The following SIK2 variants were observed in gnomAD, a reference collection of about 807,000 sequenced individuals.
SIK2 encodes the protein salt inducible kinase 2.
In SIK2, 29 loss-of-function variants were observed where a neutral mutation model predicts 103.2. The observed-to-expected ratio is 0.28, with a 90% CI of 0.21 to 0.38. The LOEUF (loss-of-function observed/expected upper bound fraction) is 0.38. SIK2 is among the 10% of genes least tolerant of loss of function. The probability of loss-of-function intolerance (pLI) is 1.00; values close to 1 mark genes in which losing one functional copy is unlikely to be tolerated. For missense variants in SIK2, 879 were observed against 1,171.0 expected, an observed-to-expected ratio of 0.75 and a Z score of 3.64; for synonymous variants, 412 against 446.1, an observed-to-expected ratio of 0.92 and a Z score of 0.96.
rs1312727269 is a variant in SIK2 at position 111,612,915 on chromosome 11, G to GATAGATATATAT, written c.136-3325_136-3324insGATATATATATA. Among the ~76,000 whole-genome samples, 20 of 50,000 alleles carry GATAGATATATAT rather than the reference G, an allele frequency of 4.0e-4. 1 individual carries two copies. Among genetic ancestry groups the GATAGATATATAT allele is most frequent in the African/African-American group, 9.5e-4 (15 of 15,826 alleles). 32.8% of individuals were successfully genotyped at this position (50,000 alleles called of 152,430 possible). On this transcript the variant is annotated intron_variant, in intron 1 of 14. Transcript: ENST00000304987. The stretch of plus-strand genomic sequence containing the variant: ...CCTTAGAAACAAGGGATAGCAATGG[G>GATAGATATATAT]ATATATATATATATATATATATATA...
At chr11:111,671,912 T>G (rs1035913940) in intron 3 of SIK2, 1 of 437,488 alleles carries the variant, frequency 2.3e-6, no homozygotes. Context: ...CAGCTTCAGC[T>G]TCTCTGACCC....
chr11:111,672,378 G>C (rs1942641244), intron 3 of SIK2: 1 of 517,010 alleles, frequency 1.9e-6, no homozygotes, highest in Admixed American at 3.4e-5. Context: ...ACACCTTGTA[G>C]GACTTCTGGG....
chr11:111,704,014 G>C (rs891898840), intron 7 of SIK2, among the ~76,000 whole-genome samples: 2 of 152,186 alleles, frequency 1.3e-5, no homozygotes, highest in Non-Finnish European at 2.9e-5. Flanking sequence ...CTTTACGATA[G>C]TAAAAAAGCA....
intron 3 of SIK2, among the ~76,000 whole-genome samples, chr11:111,656,392 T>G (rs567591830): frequency 6.6e-6 from 1 of 152,236 alleles, no homozygotes; most frequent in East Asian, 1.9e-4. Flanking sequence ...TTCAACATTC[T>G]AAATGTATTT....
intron 1 of SIK2, among the ~76,000 whole-genome samples, chr11:111,605,733 C>A (rs1941641058): frequency 6.6e-6 from 1 of 152,144 alleles, no homozygotes; most frequent in Non-Finnish European, 1.5e-5. Flanking sequence ...TGATGTATTT[C>A]TACAGAACTT....
At chr11:111,712,575 T>G (rs180718144) in intron 9 of SIK2, among the ~76,000 whole-genome samples, 200 bp downstream of exon 9, 8 of 152,328 alleles carry the variant, frequency 5.3e-5, no homozygotes, top group Admixed American at 4.6e-4. Context: ...AGTATGACCA[T>G]TACGTAATTT....
intron 1 of SIK2, among the ~76,000 whole-genome samples, chr11:111,615,100 C>T (rs1220566017): frequency 1.3e-5 from 2 of 151,000 alleles, no homozygotes; most frequent in African/African-American, 4.9e-5. Context: ...GATCGTGCCA[C>T]TGCACTGTAG....
intron 2 of SIK2, among the ~76,000 whole-genome samples, chr11:111,617,512 C>A (rs574595777): frequency 6.6e-6 from 1 of 152,280 alleles, no homozygotes; most frequent in South Asian, 2.1e-4. Context: ...CTTTCAGAAG[C>A]TTTGCAAGCC....
chr11:111,700,890 C>T lies in SIK2; in HGVS notation c.483C>T (p.Phe161=), dbSNP rs1187873823. The T allele has an allele frequency of 3.1e-6, 5 of 1,613,628 alleles. No individual in the cohort carries two copies. The highest frequency in any genetic ancestry group is 1.1e-5 in the South Asian group (1 of 91,042). Residue 161 remains phenylalanine (F), a synonymous_variant, in exon 5 of 15, where the codon TTC becomes TTT. Coordinates refer to ENST00000304987, the MANE Select transcript of SIK2 (RefSeq NM_015191.3). ...DNNMNIKIAD[F]GFGNFFKSGE... ...CATTTATTTCCATCCTAATAGATTT[C>T]GGTTTTGGAAATTTCTTTAAAAGTG...
At position 111,726,912 on chromosome 11, in the gene SIK2, G is replaced by T; in HGVS notation, c.*2783G>T. Reference sequence around the variant, plus strand: ...AGGTAAAAATTTCGTTCGGCAAAAAGTGCAATATGTGTGGTACTTTATTTT... The same window carrying T: ...AGGTAAAAATTTCGTTCGGCAAAAATTGCAATATGTGTGGTACTTTATTTT... On this transcript the variant is annotated 3_prime_UTR_variant, in exon 15 of 15. Coordinates refer to ENST00000304987, the MANE Select transcript of SIK2 (RefSeq NM_015191.3). 3 of 1,574,978 alleles carry T rather than the reference G, an allele frequency of 1.9e-6. No homozygotes were observed. The highest frequency in any genetic ancestry group is 1.1e-5 in the South Asian group (1 of 89,666).
intron 3 of SIK2, among the ~76,000 whole-genome samples, chr11:111,686,614 G>A (rs1482715665): frequency 6.6e-6 from 1 of 152,140 alleles, no homozygotes; most frequent in African/African-American, 2.4e-5. Context: ...AAATTTAAAA[G>A]TCTTTCAAGA....
chr11:111,613,791 T>G (rs1941763370), intron 1 of SIK2, among the ~76,000 whole-genome samples: 1 of 152,176 alleles, frequency 6.6e-6, no homozygotes, highest in South Asian at 2.1e-4. Flanking sequence ...GCTTTTATTC[T>G]TAGGCGATAA....
intron 3 of SIK2, among the ~76,000 whole-genome samples, chr11:111,668,989 A>G (rs1298001491): frequency 6.6e-6 from 1 of 152,244 alleles, no homozygotes; most frequent in Non-Finnish European, 1.5e-5. Flanking sequence ...GTTGGTGAAT[A>G]GACAACTGAT....
At chr11:111,633,252 G>A (rs1402913965) in intron 3 of SIK2, among the ~76,000 whole-genome samples, 1 of 152,050 alleles carries the variant, frequency 6.6e-6, no homozygotes, top group Non-Finnish European at 1.5e-5. Context: ...TTCTTATTAG[G>A]AGAACACTGT....
At position 111,728,721 on chromosome 11, in the gene SIK2, G is replaced by A. The variant is rs1021263635; in HGVS notation, c.*4592G>A. The A allele has an allele frequency of 6.6e-6, 1 of 152,318 alleles. No individual in the cohort carries two copies. Among genetic ancestry groups the A allele is most frequent in the South Asian group, 2.1e-4 (1 of 4,828 alleles). 9.4% of individuals were successfully genotyped at this position (152,318 alleles called of 1,614,324 possible). A position where few individuals can be genotyped will look rare whatever the true frequency, so the allele number is the denominator to read the frequency against. ...AGGCAGGCGGATCACGAGGTCAGGA[G>A]ATTGAGACCATCCTAACACAGTGAA... On this transcript the variant is annotated 3_prime_UTR_variant, in exon 15 of 15. Transcript: ENST00000304987.
In SIK2 at chr11:111,656,997, T is replaced by C. The variant is rs145890583; in HGVS notation, c.317-31004T>C. 5.0e-3 allele frequency among the ~76,000 whole-genome samples: 757 copies of C among 152,346 alleles called. 6 individuals are homozygous for C. The highest frequency in any genetic ancestry group is 0.017 in the African/African-American group (699 of 41,586). On this transcript the variant is annotated intron_variant, in intron 3 of 14. Coordinates refer to ENST00000304987, the MANE Select transcript of SIK2 (RefSeq NM_015191.3). ...AAGAATAAATTTATGCAAATACTTA[T>C]TGAGCATCTGTTACTTATAAGTCCT...
intron 7 of SIK2, 61 bp from the exon 8 acceptor site, chr11:111,704,926 G>C: frequency 6.7e-7 from 1 of 1,502,422 alleles, no homozygotes; most frequent in South Asian, 1.3e-5. Context: ...TTTTAGGCAT[G>C]TGTAGATCAT....
At chr11:111,640,256 T>A (rs547588690) in intron 3 of SIK2, among the ~76,000 whole-genome samples, 4 of 152,360 alleles carry the variant, frequency 2.6e-5, no homozygotes, top group Admixed American at 1.3e-4. Context: ...CAGTTCCTTT[T>A]GTTCTTGTGT....
At chr11:111,652,156 C>T (rs1033614673) in intron 3 of SIK2, among the ~76,000 whole-genome samples, 5 of 152,044 alleles carry the variant, frequency 3.3e-5, no homozygotes, top group African/African-American at 1.2e-4. Flanking sequence ...TATATACATA[C>T]ATATATATAC....
Sources: gnomAD v4.1 joint callset for allele counts (sites outside exome capture counted in the v4.1 genomes callset) on GRCh38, gnomAD v4.1.1 for gene constraint, MANE v1.5 for transcripts, NCBI Gene and HGNC (gene_info 2026-07-23, HGNC 2026-07-21) for gene names.